Variants in RPH3AL observed in about 807,000 individuals in gnomAD.
RPH3AL encodes rabphilin 3A like (without C2 domains), also known as rab effector Noc2.
RPH3AL carries 38 observed loss-of-function variants against 43.1 expected under a neutral mutation model. The ratio of observed to expected loss-of-function variants is 0.88; its 90% confidence interval spans 0.68 to 1.15. The LOEUF is 1.15. Among genes scored for constraint, RPH3AL ranks in the 50% most tolerant of loss-of-function variants. The pLI, the probability that RPH3AL is intolerant of heterozygous loss-of-function variation, is 0.00. For synonymous variants in RPH3AL, 189 were observed against 176.3 expected (o/e 1.07, Z -0.57); for missense variants, 462 against 423.2 (o/e 1.09, Z -0.81).
intron 9 of RPH3AL, chr17:214,769 CAAA>C (rs112783318): frequency 5.4e-5 from 7 of 129,702 alleles, no homozygotes; most frequent in Non-Finnish European, 6.8e-5. Flanking sequence ...GATCCTGTCT[CAAA>C]AAAAAAAAAA....
intron 1 of RPH3AL, among the ~76,000 whole-genome samples, chr17:344,240 C>T (rs1241220509): frequency 1.5e-5 from 2 of 129,848 alleles, no homozygotes; most frequent in Non-Finnish European, 3.5e-5. Flanking sequence ...ACTGTTACAT[C>T]ATCATCATAT....
chr17:237,566 G>C (rs949919491), intron 7 of RPH3AL, among the ~76,000 whole-genome samples: 1 of 152,240 alleles, frequency 6.6e-6, no homozygotes, highest in Non-Finnish European at 1.5e-5. Flanking sequence ...CAGCCTGGGA[G>C]CTTTTTGGTT....
rs573298863 is a variant in RPH3AL, at chr17:270,361, G to A, written c.438+11407C>T. Among the ~76,000 whole-genome samples, 19 of 152,338 alleles carry A rather than the reference G, an allele frequency of 1.2e-4. No homozygotes were observed. In the East Asian group the frequency reaches 1.7e-3, roughly 14 times the overall value. Reference sequence around the variant, plus strand: ...GCCGCCTGCCCGGGAAGCAGGTGCCGCAAGGATGCTGGGCTGGGGCTCGGC... The same window carrying A: ...GCCGCCTGCCCGGGAAGCAGGTGCCACAAGGATGCTGGGCTGGGGCTCGGC... On this transcript the variant is annotated intron_variant, in intron 6 of 9. Coordinates refer to ENST00000331302, the MANE Select transcript of RPH3AL (RefSeq NM_006987.4).
Position 328,937 on chromosome 17 carries a change from C to A in RPH3AL, c.-36-1358G>T, listed in dbSNP as rs111975136. Among the ~76,000 whole-genome samples the A allele has an allele frequency of 8.4e-4, 128 of 152,284 alleles. No individual in the cohort carries two copies. The highest frequency in any genetic ancestry group is 2.8e-3 in the African/African-American group (115 of 41,556). On this transcript the variant is annotated intron_variant, in intron 2 of 9. Coordinates refer to ENST00000331302, the MANE Select transcript of RPH3AL (RefSeq NM_006987.4). This position sits in a 1 kb window ranked among gnomAD's most constrained non-coding sequence, Gnocchi z 4.2. ...TACAGTGTGTCCAGAATAAGCAAAT[C>A]TAGAGAGACGGAAGGTGAGGAGTGG...
Position 253,097 on chromosome 17 carries a change from G to A in RPH3AL, c.439-5812C>T, listed in dbSNP as rs553758499. 3.9e-5 allele frequency among the ~76,000 whole-genome samples: 6 copies of A among 152,318 alleles called. No homozygotes were observed. In the South Asian group the frequency reaches 6.2e-4, roughly 16 times the overall value. The stretch of plus-strand genomic sequence containing the variant: ...AAGGCCTCCTCTGTGGACCCTGATC[G>A]GGGAAGGTTCCCAGGGAACCACGGT... On this transcript the variant is annotated intron_variant, in intron 6 of 9. Coordinates refer to ENST00000331302, the MANE Select transcript of RPH3AL (RefSeq NM_006987.4).
intron 5 of RPH3AL, among the ~76,000 whole-genome samples, chr17:293,057 G>A (rs1161328713): frequency 5.9e-5 from 9 of 152,232 alleles, no homozygotes; most frequent in African/African-American, 1.2e-4. Flanking sequence ...ACTCAGGGCC[G>A]AGCCGCCTCT....
chr17:352,327 C>T (rs1295930642), intron 1 of RPH3AL, among the ~76,000 whole-genome samples: 1 of 152,224 alleles, frequency 6.6e-6, no homozygotes, highest in African/African-American at 2.4e-5. Flanking sequence ...AGCGCACAAC[C>T]CCTCTGCCCC....
At chr17:259,053 G>C (rs979719675) in intron 6 of RPH3AL, among the ~76,000 whole-genome samples, 3 of 152,168 alleles carry the variant, frequency 2.0e-5, no homozygotes, top group African/African-American at 7.2e-5. Flanking sequence ...GGCTCTGTGG[G>C]CAGGACCATG....
chr17:262,629 A>T (rs1251308959), intron 6 of RPH3AL, among the ~76,000 whole-genome samples: 1 of 152,198 alleles, frequency 6.6e-6, no homozygotes, highest in Non-Finnish European at 1.5e-5. Flanking sequence ...ATTCAAGGCC[A>T]GCCTGGCCAA....
rs959789905 is a variant in RPH3AL at position 283,938 on chromosome 17, T to C, written c.352-2084A>G. 6.6e-6 allele frequency among the ~76,000 whole-genome samples: 1 copy of C among 152,194 alleles called. No homozygotes were observed. The highest frequency in any genetic ancestry group is 2.4e-5 in the African/African-American group (1 of 41,454). The stretch of plus-strand genomic sequence containing the variant: ...AACCACAACGTGGGCCTCTCCTCTC[T>C]GGGTAAAGGGGAGAGGAAGCACTGA... On this transcript the variant is annotated intron_variant, in intron 5 of 9. Transcript: ENST00000331302. The surrounding 1 kb of genome is among the most constrained non-coding windows in gnomAD (Gnocchi z 4.2).
intron 7 of RPH3AL, among the ~76,000 whole-genome samples, chr17:242,210 T>C (rs978638829): frequency 6.6e-6 from 1 of 152,148 alleles, no homozygotes; most frequent in Non-Finnish European, 1.5e-5. Flanking sequence ...GATTGCTCTG[T>C]GGGTTGAAAA....
chr17:269,573 C>T (rs1389162738), intron 6 of RPH3AL, among the ~76,000 whole-genome samples: 1 of 152,178 alleles, frequency 6.6e-6, no homozygotes, highest in Non-Finnish European at 1.5e-5. Context: ...TCATCCCTGG[C>T]ACCATCAATT....
rs978174851 is a variant in RPH3AL at position 245,574 on chromosome 17, C to G, written c.613+1537G>C. ...CTGCCCCCATAGGCCTTCAGCCTCT[C>G]CGGCTCAACTGGCTCCAAGCAGCAT... On this transcript the variant is annotated intron_variant, in intron 7 of 9. Coordinates refer to ENST00000331302, the MANE Select transcript of RPH3AL (RefSeq NM_006987.4). This position sits in a 1 kb window ranked among gnomAD's most constrained non-coding sequence, Gnocchi z 5.9. 2.0e-5 allele frequency among the ~76,000 whole-genome samples: 3 copies of G among 152,100 alleles called. No individual in the cohort carries two copies. Among genetic ancestry groups the G allele is most frequent in the African/African-American group, 7.2e-5 (3 of 41,394 alleles).
At chr17:295,127 A>G (rs1474744769) in intron 5 of RPH3AL, among the ~76,000 whole-genome samples, 1 of 138,710 alleles carries the variant, frequency 7.2e-6, no homozygotes, top group African/African-American at 2.8e-5. Context: ...AATGCACATC[A>G]GTGTGGGAGG....
At chr17:257,757 A>G (rs1321440535) in intron 6 of RPH3AL, among the ~76,000 whole-genome samples, 1 of 51,336 alleles carries the variant, frequency 1.9e-5, no homozygotes, top group Admixed American at 1.9e-4. Flanking sequence ...TTCCGTCCCT[A>G]GGAATGTGAC....
At chr17:337,488 C>T (rs2044991036) in intron 1 of RPH3AL, among the ~76,000 whole-genome samples, 1 of 152,228 alleles carries the variant, frequency 6.6e-6, no homozygotes, top group African/African-American at 2.4e-5. Flanking sequence ...CCCTCTGCCA[C>T]ACACGGGCTC....
At chr17:262,297 CA>C (rs2042215351) in intron 6 of RPH3AL, among the ~76,000 whole-genome samples, 1 of 152,166 alleles carries the variant, frequency 6.6e-6, no homozygotes, top group Non-Finnish European at 1.5e-5. Flanking sequence ...CGGCTCACTG[CA>C]ACCTCCGCCT....
In RPH3AL at chr17:289,171, G is replaced by GC. The variant is rs989940127; in HGVS notation, c.352-7318dup. On this transcript the variant is annotated intron_variant, in intron 5 of 9. Coordinates refer to ENST00000331302, the MANE Select transcript of RPH3AL (RefSeq NM_006987.4). This position sits in a 1 kb window ranked among gnomAD's most constrained non-coding sequence, Gnocchi z 5.2. ...CTCATCTGTAAGTTGGTGGTAACAG[G>GC]CCCCCCCACACCCCAGGTTGCAGAT... is the stretch of plus-strand genomic sequence containing the variant. 2.6e-5 allele frequency among the ~76,000 whole-genome samples: 4 copies of GC among 151,940 alleles called. No homozygotes were observed. The highest frequency in any genetic ancestry group is 5.9e-5 in the Non-Finnish European group (4 of 67,986).
rs558073821 is a variant in RPH3AL, at chr17:274,799, A to G, written c.438+6969T>C. Among the ~76,000 whole-genome samples the G allele has an allele frequency of 8.6e-4, 131 of 152,370 alleles. No homozygotes were observed. The highest frequency in any genetic ancestry group is 2.1e-3 in the Admixed American group (32 of 15,312). ...GGAGGGGAAAACCTCCAAAGTGTTTAGTGCAGGTGAATGTGGCATGCTAGG... is the reference window on the plus strand; with the variant it reads ...GGAGGGGAAAACCTCCAAAGTGTTTGGTGCAGGTGAATGTGGCATGCTAGG... On this transcript the variant is annotated intron_variant, in intron 6 of 9. Transcript: ENST00000331302. The surrounding 1 kb of genome is among the most constrained non-coding windows in gnomAD (Gnocchi z 4.7).
Sources: allele counts gnomAD v4.1 joint callset (sites outside exome capture counted in the v4.1 genomes callset), GRCh38; gene constraint gnomAD v4.1.1; non-coding constraint Gnocchi (gnomAD v3.1); transcripts MANE v1.5; gene names NCBI Gene and HGNC (gene_info 2026-07-23, HGNC 2026-07-21).